The following IFNLR1 variants were observed in gnomAD, a reference collection of about 807,000 sequenced individuals.
IFNLR1 encodes CRF2-12.
In IFNLR1, 28 loss-of-function variants were observed where a neutral mutation model predicts 52.5. The ratio of observed to expected loss-of-function variants is 0.53; its 90% CI spans 0.40 to 0.73. IFNLR1 has a LOEUF of 0.73. Among genes scored for constraint, IFNLR1 ranks in the 30% least tolerant of loss-of-function variants. The pLI is 0.00. For synonymous variants in IFNLR1, 276 were observed against 274.9 expected (o/e 1.00, Z -0.04); for missense variants, 623 against 659.1 (o/e 0.95, Z 0.60).
chr1:24,167,667 G>A (rs2148593714), intron 3 of IFNLR1, among the ~76,000 whole-genome samples: 1 of 151,176 alleles, frequency 6.6e-6, no homozygotes, highest in Admixed American at 6.6e-5. Flanking sequence ...TTACAGGTGT[G>A]AGCCACCATG....
At position 24,156,819 on chromosome 1, in the gene IFNLR1, C is replaced by G. The variant is rs989816843; in HGVS notation, c.*311G>C. ...CTGACCTCACCTGTTTCATGTTGTC[C>G]GGGGATAATTTTTCCCCCTGGCCTG... On this transcript the variant is annotated 3_prime_UTR_variant, in exon 7 of 7. Coordinates refer to ENST00000327535, the MANE Select transcript of IFNLR1 (RefSeq NM_170743.4). 5.2e-6 allele frequency: 2 copies of G among 385,380 alleles called. No homozygotes were observed. Among genetic ancestry groups the G allele is most frequent in the Admixed American group, 8.7e-5 (2 of 23,116 alleles). The allele number at this position is 385,380 out of a possible 1,614,324, so 23.9% of individuals were successfully genotyped here. A position where few individuals can be genotyped will look rare whatever the true frequency, so the allele number is the denominator to read the frequency against.
At chr1:24,158,377 C>T (rs1421511792) in intron 6 of IFNLR1, among the ~76,000 whole-genome samples, 5 of 152,200 alleles carry the variant, frequency 3.3e-5, no homozygotes, top group African/African-American at 7.2e-5. Flanking sequence ...CATGTCTACC[C>T]GAGGTTGTCA....
intron 2 of IFNLR1, among the ~76,000 whole-genome samples, chr1:24,173,056 G>C (rs906646007): frequency 6.6e-6 from 1 of 151,504 alleles, no homozygotes; most frequent in Non-Finnish European, 1.5e-5. Context: ...ATGAATTTGT[G>C]GGGTAGAGTA....
chr1:24,174,031 T>C (rs1397736354), intron 2 of IFNLR1, among the ~76,000 whole-genome samples: 1 of 152,126 alleles, frequency 6.6e-6, no homozygotes, highest in African/African-American at 2.4e-5. Flanking sequence ...TGTTTTGAGA[T>C]AAGAGCTTTA....
chr1:24,178,474 G>A (rs536714371), intron 2 of IFNLR1, among the ~76,000 whole-genome samples: 32 of 152,208 alleles, frequency 2.1e-4, no homozygotes, highest in African/African-American at 7.7e-4. Flanking sequence ...TGTACCAGAG[G>A]GACCTGGAAC....
chr1:24,187,166 C>G (rs1644747265), intron 1 of IFNLR1, 25 bp downstream of exon 1: 4 of 1,359,958 alleles, frequency 2.9e-6, no homozygotes, highest in African/African-American at 1.5e-5. Context: ...TCTTCCCCCT[C>G]CCTCCCGCGG....
intron 1 of IFNLR1, among the ~76,000 whole-genome samples, chr1:24,181,641 T>A (rs750820389): frequency 6.6e-6 from 1 of 152,182 alleles, no homozygotes; most frequent in Non-Finnish European, 1.5e-5. Context: ...CTGTAAGTAA[T>A]AAGCCTTTGA....
At chr1:24,164,630 G>A (rs538930664) in intron 3 of IFNLR1, among the ~76,000 whole-genome samples, 4 of 152,324 alleles carry the variant, frequency 2.6e-5, no homozygotes, top group South Asian at 4.1e-4. Context: ...GAAGGGGACT[G>A]TGAGTTATAA....
rs5773074 is a variant in IFNLR1, at chr1:24,180,296, C to CAA, written c.182+433_182+434dup. Among the ~76,000 whole-genome samples the CAA allele has an allele frequency of 5.5e-4, 71 of 128,182 alleles. 1 individual carries two copies. The highest frequency in any genetic ancestry group is 1.8e-3 in the South Asian group (7 of 3,984). The allele number at this position is 128,182 out of a possible 152,430, so 84.1% of individuals were successfully genotyped here. Reference sequence around the variant, plus strand: ...TGGGTGACAGACCAAGACTCTGTCTCAAAAAAAAAAAAAAAAGAGAAAAAA... The same window carrying CAA: ...TGGGTGACAGACCAAGACTCTGTCTCAAAAAAAAAAAAAAAAAAGAGAAAAAA... On this transcript the variant is annotated intron_variant, in intron 2 of 6. Transcript: ENST00000327535.
intron 1 of IFNLR1, among the ~76,000 whole-genome samples, chr1:24,182,247 C>A (rs913197923): frequency 6.6e-6 from 1 of 151,428 alleles, no homozygotes; most frequent in African/African-American, 2.4e-5. Flanking sequence ...CTGTAAGTAC[C>A]CACGCCCAGT....
In IFNLR1 at chr1:24,157,595, G is replaced by A. The variant is rs745848085; in HGVS notation, c.1098C>T (p.Asp366=). 1 of 1,611,092 alleles carries A rather than the reference G, an allele frequency of 6.2e-7. No individual in the cohort carries two copies. The highest frequency in any genetic ancestry group is 8.5e-7 in the Non-Finnish European group (1 of 1,178,702). The change falls in exon 7 of 7, where the codon GAC becomes GAT. Residue 366 remains aspartate (D), a synonymous_variant. Transcript: ENST00000327535. This position sits in a 1 kb window ranked among gnomAD's most constrained non-coding sequence, Gnocchi z 5.1. ...CCAGAGGAGCCCTGGGCCTCCCTGA[G>A]TCCACCCCACCAGCCTCCGAGTGCC... The part of the protein sequence containing the change: ...APGHSEAGGV[D]SGRPRAPLVP...
At chr1:24,167,374 TCTC>T (rs145845990) in intron 3 of IFNLR1, among the ~76,000 whole-genome samples, 5,887 of 151,928 alleles carry the variant, frequency 0.039, 127 homozygotes, top group African/African-American at 0.063. Flanking sequence ...CCATAATAAA[TCTC>T]CTCTTATTAT....
intron 3 of IFNLR1, among the ~76,000 whole-genome samples, chr1:24,162,915 C>CCTTTTCTTT (rs1387452817): frequency 1.2e-5 from 1 of 82,840 alleles, no homozygotes; most frequent in Non-Finnish European, 2.3e-5. Context: ...TTCCTTCCTT[C>CCTTTTCTTT]CTTTTCTTTC....
At chr1:24,176,994 GAACA>G (rs1183320245) in intron 2 of IFNLR1, among the ~76,000 whole-genome samples, 1 of 152,034 alleles carries the variant, frequency 6.6e-6, no homozygotes, top group African/African-American at 2.4e-5. Context: ...CAAGAGAATA[GAACA>G]AATACTAAAA....
chr1:24,160,795 C>G (rs1179283351), intron 4 of IFNLR1, among the ~76,000 whole-genome samples: 1 of 152,136 alleles, frequency 6.6e-6, no homozygotes, highest in Non-Finnish European at 1.5e-5. Context: ...GTGGTGCGAT[C>G]ATGGCTCACT....
At chr1:24,158,892 G>T in intron 6 of IFNLR1, 160 bp downstream of exon 6, 1 of 788,272 alleles carries the variant, frequency 1.3e-6, no homozygotes, top group Non-Finnish European at 2.1e-6. Context: ...AGGACTAAAT[G>T]AATGCATTAC....
At position 24,156,491 on chromosome 1, in the gene IFNLR1, C is replaced by T. The variant is rs1644379710; in HGVS notation, c.*639G>A. The T allele has an allele frequency of 6.6e-6, 1 of 152,526 alleles. No individual in the cohort carries two copies. Among genetic ancestry groups the T allele is most frequent in the Non-Finnish European group, 1.5e-5 (1 of 68,318 alleles). 9.4% of individuals were successfully genotyped at this position (152,526 alleles called of 1,614,324 possible). On this transcript the variant is annotated 3_prime_UTR_variant, in exon 7 of 7. Transcript: ENST00000327535. ...GGAAGATGTCTTCCCCAAGATCATACAACCAGTGAACAGCAGAGCTGGGAT... is the reference window on the plus strand; with the variant it reads ...GGAAGATGTCTTCCCCAAGATCATATAACCAGTGAACAGCAGAGCTGGGAT...
intron 1 of IFNLR1, 36 bp from the exon 2 acceptor site, chr1:24,180,890 C>T (rs1644683992): frequency 6.2e-7 from 1 of 1,603,562 alleles, no homozygotes; most frequent in Non-Finnish European, 8.5e-7. Context: ...GCCTGGAGCT[C>T]CTGGCTGGTC....
Position 24,157,843 on chromosome 1 carries a change from G to A in IFNLR1, c.850C>T (p.Pro284Ser). 1 of 1,612,276 alleles carries A rather than the reference G, an allele frequency of 6.2e-7. No individual in the cohort carries two copies. The highest frequency in any genetic ancestry group is 2.2e-5 in the East Asian group (1 of 44,864). ...HPVATFQPSR[P>S]ESVNDLFLCP... ...AGGAACAAGTCATTCACGGACTCTG[G>A]TCTGCTGGGCTGAAAGGTTGCCACA... The change falls in exon 7 of 7, where the codon CCA becomes TCA. Residue 284 changes from proline (P) to serine (S), a missense_variant. Coordinates refer to ENST00000327535, the MANE Select transcript of IFNLR1 (RefSeq NM_170743.4). The surrounding 1 kb of genome is among the most constrained non-coding windows in gnomAD (Gnocchi z 5.1).
Sources: allele counts gnomAD v4.1 joint callset (sites outside exome capture counted in the v4.1 genomes callset), GRCh38; gene constraint gnomAD v4.1.1; non-coding constraint Gnocchi (gnomAD v3.1); transcripts MANE v1.5; gene names NCBI Gene and HGNC (gene_info 2026-07-23, HGNC 2026-07-21).